SAMD5: variants seen among roughly 807,000 people sequenced by gnomAD.
SAMD5 encodes the protein sterile alpha motif domain containing 5, also known as sterile alpha motif domain-containing protein 5.
SAMD5 carries 13 observed loss-of-function variants against 11.3 expected under a neutral mutation model. That is an observed-to-expected ratio of 1.15 (90% CI 0.75 to 1.83). SAMD5 has a LOEUF of 1.83. SAMD5 is among the 40% of genes most tolerant of loss of function. The pLI, the probability that SAMD5 is intolerant of heterozygous loss-of-function variation, is 0.00. For missense variants in SAMD5, 255 were observed against 239.1 expected (o/e 1.07, Z -0.44); for synonymous variants, 129 against 111.3 (o/e 1.16, Z -1.00).
chr6:147,802,707 A>G, the SAMD5 span, among the ~76,000 whole-genome samples: 1 of 152,276 alleles, frequency 6.6e-6, no homozygotes, highest in East Asian at 1.9e-4. Context: ...ATAATAAAGT[A>G]TAACAATAAA....
chr6:147,567,556 A>G lies in SAMD5; in HGVS notation c.*3100A>G, dbSNP rs1189828773. ...AAATGGGAAAAATAAATACCTCTAT[A>G]GCTCTTAAGAGGCTTAAGAGTTCTA... On this transcript the variant is annotated 3_prime_UTR_variant, in exon 2 of 2. Transcript: ENST00000367474. 1 of 895,666 alleles carries G rather than the reference A, an allele frequency of 1.1e-6. No individual in the cohort carries two copies. Among genetic ancestry groups the G allele is most frequent in the South Asian group, 5.1e-5 (1 of 19,466 alleles). 55.5% of individuals were successfully genotyped at this position (895,666 alleles called of 1,614,324 possible). A position where few individuals can be genotyped will look rare whatever the true frequency, so the allele number is the denominator to read the frequency against.
At chr6:147,876,599 G>C in the SAMD5 span, among the ~76,000 whole-genome samples, 1 of 152,110 alleles carries the variant, frequency 6.6e-6, no homozygotes, top group East Asian at 1.9e-4. Flanking sequence ...GGAAACAAAA[G>C]AAAATAAATT....
rs1282855831 is a variant in SAMD5 at position 147,661,294 on chromosome 6, G to T, written c.163-76023G>T. ...TATAATTTAAAAATATAAAAAAAGT[G>T]CTGCTTTTCACATGGAAGTAAATGC... On this transcript the variant is annotated intron_variant, in intron 1 of 1. Coordinates refer to the SAMD5 transcript ENST00000566741. 2.0e-5 allele frequency among the ~76,000 whole-genome samples: 3 copies of T among 152,264 alleles called. No individual in the cohort carries two copies. In the East Asian group the frequency reaches 5.8e-4, roughly 29 times the overall value.
chr6:147,664,072 A>G (rs535781471), intron 1 of SAMD5, among the ~76,000 whole-genome samples: 4 of 152,194 alleles, frequency 2.6e-5, no homozygotes, highest in East Asian at 1.9e-4. Flanking sequence ...ACCACTGGCA[A>G]TTTCTCAGCA....
the SAMD5 span, among the ~76,000 whole-genome samples, chr6:147,877,885 A>ACAC: frequency 1.8e-4 from 8 of 44,360 alleles, no homozygotes; most frequent in Admixed American, 4.9e-4. Context: ...CACACACGAT[A>ACAC]GATAGATAGC....
chr6:147,547,628 A>G (rs974783347), intron 1 of SAMD5, among the ~76,000 whole-genome samples: 2 of 152,222 alleles, frequency 1.3e-5, no homozygotes, highest in Non-Finnish European at 2.9e-5. Flanking sequence ...AAAGGGCTCA[A>G]GGTATTAGAT....
intron 1 of SAMD5, among the ~76,000 whole-genome samples, chr6:147,701,438 C>T (rs559465059): frequency 1.2e-3 from 189 of 152,056 alleles, no homozygotes; most frequent in Non-Finnish European, 1.7e-3. Flanking sequence ...GTTGGAGACC[C>T]GCCTGGCCAA....
intron 1 of SAMD5, among the ~76,000 whole-genome samples, chr6:147,584,475 C>A (rs1252481846): frequency 6.6e-6 from 1 of 152,198 alleles, no homozygotes. Flanking sequence ...ACTTAGCCTG[C>A]AGCTGGCTCA....
chr6:147,735,824 G>C (rs1373046744), intron 1 of SAMD5, among the ~76,000 whole-genome samples: 1 of 152,034 alleles, frequency 6.6e-6, no homozygotes, highest in Non-Finnish European at 1.5e-5. Flanking sequence ...TTCCTTATTT[G>C]TTTTCATATG....
At chr6:147,551,151 G>C (rs9497804) in intron 1 of SAMD5, among the ~76,000 whole-genome samples, 4,982 of 152,278 alleles carry the variant, frequency 0.033, 269 homozygotes, top group African/African-American at 0.11. Context: ...TCAGTTGTTA[G>C]GTGCCAGGAG....
chr6:147,639,834 C>A (rs1790283409), intron 1 of SAMD5, among the ~76,000 whole-genome samples: 3 of 151,416 alleles, frequency 2.0e-5, no homozygotes, highest in African/African-American at 2.4e-5. Context: ...CAGTGTAGAT[C>A]ATTTTTAATA....
intron 1 of SAMD5, among the ~76,000 whole-genome samples, chr6:147,578,424 T>C (rs561449585): frequency 2.2e-4 from 33 of 152,320 alleles, no homozygotes; most frequent in Non-Finnish European, 4.0e-4. Flanking sequence ...CTCTGACTAA[T>C]GCTTCTCTCT....
At chr6:147,584,530 G>A (rs1789346637) in intron 1 of SAMD5, among the ~76,000 whole-genome samples, 1 of 152,140 alleles carries the variant, frequency 6.6e-6, no homozygotes, top group South Asian at 2.1e-4. Context: ...ACTAGCCAGG[G>A]CTGCCCTGGC....
At chr6:147,622,220 C>A (rs1349941701) in intron 1 of SAMD5, among the ~76,000 whole-genome samples, 3 of 151,950 alleles carry the variant, frequency 2.0e-5, no homozygotes, top group Non-Finnish European at 2.9e-5. Context: ...CTGTGATATA[C>A]AATGGCATCG....
At chr6:147,910,446 T>C in the SAMD5 span, among the ~76,000 whole-genome samples, 8 of 152,306 alleles carry the variant, frequency 5.3e-5, no homozygotes, top group South Asian at 1.0e-3. Context: ...GGCGCAGCGG[T>C]GCCCTCTTTA....
chr6:147,797,237 G>A, the SAMD5 span, among the ~76,000 whole-genome samples: 7,614 of 130,356 alleles, frequency 0.058, 313 homozygotes, highest in East Asian at 0.2. Flanking sequence ...TTTGAAATAC[G>A]TCCCATCAAT....
chr6:147,742,237 AGT>A (rs1394434514), downstream of SAMD5, among the ~76,000 whole-genome samples: 2 of 151,126 alleles, frequency 1.3e-5, no homozygotes, highest in African/African-American at 2.4e-5. Flanking sequence ...CATGTTCACT[AGT>A]GTGTGTGTGT....
chr6:147,909,614 T>TTCTCTCTCTCTCTCTCTC, the SAMD5 span, among the ~76,000 whole-genome samples: 20 of 77,300 alleles, frequency 2.6e-4, no homozygotes, highest in East Asian at 2.1e-3. Context: ...CTTTCTTTCT[T>TTCTCTCTCTCTCTCTCTC]TCTTTCTTTC....
intron 1 of SAMD5, among the ~76,000 whole-genome samples, chr6:147,620,962 C>CTG (rs78040354): frequency 0.053 from 6,836 of 128,446 alleles, 358 homozygotes; most frequent in African/African-American, 0.14. Flanking sequence ...GTATGTGCCT[C>CTG]TGTGTGTGTG....
Sources: gnomAD v4.1 joint callset for allele counts (sites outside exome capture counted in the v4.1 genomes callset) on GRCh38, gnomAD v4.1.1 for gene constraint, MANE v1.5 for transcripts, NCBI Gene and HGNC (gene_info 2026-07-23, HGNC 2026-07-21) for gene names.